Variants in TEX101 observed in about 807,000 individuals in gnomAD.
TEX101 encodes the protein testis expressed 101.
A neutral mutation model predicts 18.1 loss-of-function variants in TEX101; 10 were observed. The ratio of observed to expected loss-of-function variants is 0.55; its 90% CI spans 0.34 to 0.94. The LOEUF is 0.94. Ranked by LOEUF, TEX101 falls within the 40% of genes least tolerant of loss-of-function variation. The probability of loss-of-function intolerance (pLI) is 0.02; values close to 1 mark genes in which losing one functional copy is unlikely to be tolerated. For missense variants in TEX101, 259 were observed against 298.9 expected, an observed-to-expected ratio of 0.87 and a Z score of 0.98; for synonymous variants, 94 against 114.8, an observed-to-expected ratio of 0.82 and a Z score of 1.16.
At chr19:43,404,688 A>G (rs1351854984) in intron 2 of TEX101, among the ~76,000 whole-genome samples, 1 of 151,796 alleles carries the variant, frequency 6.6e-6, no homozygotes, top group Non-Finnish European at 1.5e-5. Context: ...TATCCTAATT[A>G]TTTGCCTGTG....
In TEX101 at chr19:43,415,981, C is replaced by T; in HGVS notation, c.62C>T (p.Thr21Ile). The change falls in exon 2 of 6, where the codon ACC becomes ATC. Residue 21 changes from threonine (T) to isoleucine (I), a missense_variant and splice_region_variant. Thr to Ile is a moderately conservative substitution (Grantham distance 89). Coordinates refer to ENST00000598265, the MANE Select transcript of TEX101 (RefSeq NM_001130011.3). ...ILLVLGASLL[T>I]SGLELYCQKG... ...CTGGTCCTAGGAGCCTCCCTCCTGA[C>T]CTGTGCGTATGGGGGACATAGGGGA... is the stretch of plus-strand genomic sequence containing the variant. The T allele has an allele frequency of 6.2e-7, 1 of 1,614,082 alleles. No individual in the cohort carries two copies. The highest frequency in any genetic ancestry group is 8.5e-7 in the Non-Finnish European group (1 of 1,179,956).
At chr19:43,406,397 T>G in exon 3 of TEX101, 1 of 716,388 alleles carries the variant, frequency 1.4e-6, no homozygotes. Context: ...AGGGACAGGC[T>G]TGGCGGAACC....
At chr19:43,406,081 CAAAAA>C (rs34029449) in intron 2 of TEX101, 805 of 58,860 alleles carry the variant, frequency 0.014, 17 homozygotes, top group African/African-American at 0.042. Flanking sequence ...CCTGTCTCTA[CAAAAA>C]AAAAAAAAAA....
At chr19:43,389,972 A>G in the TEX101 span, among the ~76,000 whole-genome samples, 1 of 152,016 alleles carries the variant, frequency 6.6e-6, no homozygotes, top group Non-Finnish European at 1.5e-5. Context: ...TCTGTGGCAG[A>G]GATGATCTTT....
At chr19:43,409,623 AAAAG>A (rs202046166) in intron 3 of TEX101, among the ~76,000 whole-genome samples, 28 of 152,122 alleles carry the variant, frequency 1.8e-4, no homozygotes, top group Middle Eastern at 3.4e-3. Flanking sequence ...TAAAAAAAAA[AAAAG>A]AAAGAAAGAA....
In TEX101 at chr19:43,415,983, T is replaced by C; in HGVS notation, c.64T>C (p.Ser22Pro). ...LLVLGASLLT[S>P]GLELYCQKGL... The stretch of plus-strand genomic sequence containing the variant: ...GGTCCTAGGAGCCTCCCTCCTGACC[T>C]GTGCGTATGGGGGACATAGGGGAGA... The change falls in exon 2 of 6, where the codon TCG becomes CCG. Residue 22 changes from serine (S) to proline (P), a missense_variant and splice_region_variant. By Grantham distance (74) the Ser-to-Pro change is moderately conservative. Transcript: ENST00000598265. 1 of 1,613,690 alleles carries C rather than the reference T, an allele frequency of 6.2e-7. No individual in the cohort carries two copies. The highest frequency in any genetic ancestry group is 8.5e-7 in the Non-Finnish European group (1 of 1,179,826).
At position 43,415,990 on chromosome 19, in the gene TEX101, A is replaced by G; in HGVS notation, c.64+7A>G. ...GGAGCCTCCCTCCTGACCTGTGCGT[A>G]TGGGGGACATAGGGGAGAGCCGTGT... On this transcript the variant is annotated splice_region_variant and intron_variant, in intron 2 of 5. Transcript: ENST00000598265. The G allele has an allele frequency of 6.2e-7, 1 of 1,613,920 alleles. No homozygotes were observed. Among genetic ancestry groups the G allele is most frequent in the Non-Finnish European group, 8.5e-7 (1 of 1,179,904 alleles).
At chr19:43,402,885 A>C (rs1014764300) in intron 2 of TEX101, 6 of 152,192 alleles carry the variant, frequency 3.9e-5, no homozygotes, top group African/African-American at 1.4e-4. Flanking sequence ...TCCAGCCTAA[A>C]TCTGACATTC....
chr19:43,397,136 T>A (rs117615238), upstream of TEX101, among the ~76,000 whole-genome samples: 1,440 of 152,230 alleles, frequency 9.5e-3, 13 homozygotes, highest in Non-Finnish European at 0.015. Context: ...GCACCCAGCC[T>A]GTTTTCAGCT....
chr19:43,405,978 G>T (rs1204706306), intron 2 of TEX101, among the ~76,000 whole-genome samples: 1 of 148,920 alleles, frequency 6.7e-6, no homozygotes, highest in Non-Finnish European at 1.5e-5. Context: ...GATGGGAAAA[G>T]ATATTTCATG....
upstream of TEX101, among the ~76,000 whole-genome samples, chr19:43,412,630 C>T (rs1263216833): frequency 6.6e-6 from 1 of 152,092 alleles, no homozygotes; most frequent in Non-Finnish European, 1.5e-5. Context: ...CTTTCCCAAG[C>T]ACGAGCCCTC....
upstream of TEX101, among the ~76,000 whole-genome samples, chr19:43,397,804 TATATAA>T (rs201961830): frequency 0.11 from 12,679 of 115,400 alleles, 1,201 homozygotes; most frequent in Non-Finnish European, 0.18. Context: ...ATATTTATAT[TATATAA>T]ATATAAATAT....
At chr19:43,414,042 T>C (rs1970443849), upstream of TEX101, among the ~76,000 whole-genome samples, 1 of 151,358 alleles carries the variant, frequency 6.6e-6, no homozygotes, top group South Asian at 2.1e-4. Context: ...GAGAATCACT[T>C]GAACCCAGGA....
chr19:43,411,893 G>A (rs551679847), upstream of TEX101, among the ~76,000 whole-genome samples: 16 of 152,108 alleles, frequency 1.1e-4, no homozygotes, highest in Non-Finnish European at 7.4e-5. Context: ...CTGACCTCAG[G>A]TGAACCACCC....
At chr19:43,389,691 C>T in the TEX101 span, among the ~76,000 whole-genome samples, 1 of 152,174 alleles carries the variant, frequency 6.6e-6, no homozygotes, top group Admixed American at 6.5e-5. Flanking sequence ...CTGGGTTCTC[C>T]CTTAGGGAAG....
At chr19:43,412,035 A>AATC (rs943997734), upstream of TEX101, among the ~76,000 whole-genome samples, 17 of 152,180 alleles carry the variant, frequency 1.1e-4, no homozygotes, top group Non-Finnish European at 2.1e-4. Flanking sequence ...AAGATCTGTC[A>AATC]ATCTCTCTTG....
upstream of TEX101, among the ~76,000 whole-genome samples, chr19:43,410,442 G>C (rs1970408475): frequency 6.6e-6 from 1 of 152,066 alleles, no homozygotes; most frequent in African/African-American, 2.4e-5. Context: ...TGAGGCATGG[G>C]GGCTGGTCTC....
At chr19:43,395,855 C>T in the TEX101 span, among the ~76,000 whole-genome samples, 1 of 152,206 alleles carries the variant, frequency 6.6e-6, no homozygotes, top group Admixed American at 6.5e-5. Flanking sequence ...GCTGGTCAGC[C>T]TGGAGCAGCA....
intron 2 of TEX101, among the ~76,000 whole-genome samples, chr19:43,404,435 T>C (rs534099376): frequency 1.3e-5 from 2 of 152,268 alleles, no homozygotes; most frequent in African/African-American, 4.8e-5. Flanking sequence ...TGTATTAGCA[T>C]TTCACCCCTC....
Sources: gnomAD v4.1 joint callset for allele counts (sites outside exome capture counted in the v4.1 genomes callset) on GRCh38, gnomAD v4.1.1 for gene constraint, MANE v1.5 for transcripts, NCBI Gene and HGNC (gene_info 2026-07-23, HGNC 2026-07-21) for gene names.